Variants in TENM2 observed in about 807,000 individuals in gnomAD.
TENM2 encodes the protein teneurin-2.
In TENM2, 52 loss-of-function variants were observed where a neutral mutation model predicts 245.2. The observed-to-expected ratio is 0.21, with a 90% CI of 0.17 to 0.27. The LOEUF is 0.27. Among genes scored for constraint, TENM2 ranks in the 10% least tolerant of loss-of-function variants. The pLI, the probability that TENM2 is intolerant of heterozygous loss-of-function variation, is 1.00. For missense variants in TENM2, 3,046 were observed against 3,666.8 expected (o/e 0.83, Z 4.37); for synonymous variants, 1,363 against 1,438.9 (o/e 0.95, Z 1.19).
rs939726895 is a variant in TENM2 at position 168,198,765 on chromosome 5, C to T, written c.2901-88C>T. On this transcript the variant is annotated intron_variant, in intron 15 of 28. Transcript: ENST00000518659. ...ATGGTCTCCTCTGTGCTCTGCCCAT[C>T]GCATGGCCATCAGGGGAGGAGGAGA... 155 of 1,490,910 alleles carry T rather than the reference C, an allele frequency of 1.0e-4. 2 individuals carry two copies. In the East Asian group the frequency reaches 1.6e-3, roughly 16 times the overall value. The allele number at this position is 1,490,910 out of a possible 1,614,324, so 92.4% of individuals were successfully genotyped here.
chr5:167,428,475 G>T (rs1320727731), intron 2 of TENM2, among the ~76,000 whole-genome samples: 10 of 152,128 alleles, frequency 6.6e-5, no homozygotes, highest in Non-Finnish European at 1.5e-5. Flanking sequence ...CCTAAAACAT[G>T]CTAGTAAAAC....
chr5:167,454,005 A>T (rs534738619), intron 2 of TENM2, among the ~76,000 whole-genome samples: 1 of 152,324 alleles, frequency 6.6e-6, no homozygotes, highest in East Asian at 1.9e-4. Context: ...AAGAATACGC[A>T]TGTCCCCCAG....
At chr5:167,648,376 C>T (rs570712462) in intron 2 of TENM2, among the ~76,000 whole-genome samples, 1 of 152,242 alleles carries the variant, frequency 6.6e-6, no homozygotes, top group Non-Finnish European at 1.5e-5. Context: ...TGTTGATATG[C>T]AAAAGAAGGG....
chr5:167,003,092 T>C, the TENM2 span, among the ~76,000 whole-genome samples: 1 of 152,092 alleles, frequency 6.6e-6, no homozygotes, highest in African/African-American at 2.4e-5. Flanking sequence ...AAAAGAAAAA[T>C]ATCTGAAAAG....
At chr5:168,048,485 A>G (rs1788806588) in intron 6 of TENM2, among the ~76,000 whole-genome samples, 1 of 152,224 alleles carries the variant, frequency 6.6e-6, no homozygotes, top group Admixed American at 6.5e-5. Flanking sequence ...CACCTATTGC[A>G]TGCCAGGCTT....
chr5:167,485,457 A>C (rs1768000064), intron 2 of TENM2, among the ~76,000 whole-genome samples: 1 of 152,364 alleles, frequency 6.6e-6, no homozygotes, highest in African/African-American at 2.4e-5. Flanking sequence ...GTGTCTTTAA[A>C]AGCATAAAAG....
chr5:168,067,155 A>G (rs1166395084), intron 7 of TENM2, among the ~76,000 whole-genome samples: 1 of 152,192 alleles, frequency 6.6e-6, no homozygotes, highest in African/African-American at 2.4e-5. Flanking sequence ...TGCCTATTTC[A>G]TCACTCAGAC....
chr5:166,997,841 G>T, the TENM2 span, among the ~76,000 whole-genome samples: 1 of 152,102 alleles, frequency 6.6e-6, no homozygotes, highest in Non-Finnish European at 1.5e-5. Flanking sequence ...CAGCACTGAG[G>T]TAGTAAATAA....
intron 4 of TENM2, among the ~76,000 whole-genome samples, chr5:167,989,010 A>T (rs966577404): frequency 6.6e-6 from 1 of 152,162 alleles, no homozygotes; most frequent in African/African-American, 2.4e-5. Flanking sequence ...TTGCTAAAAC[A>T]TTTCTATTTT....
intron 2 of TENM2, among the ~76,000 whole-genome samples, chr5:167,630,922 C>T (rs1420429111): frequency 6.6e-6 from 1 of 152,218 alleles, no homozygotes; most frequent in African/African-American, 2.4e-5. Context: ...TAGGAAAGAG[C>T]TCCCCAGTAT....
intron 2 of TENM2, among the ~76,000 whole-genome samples, chr5:167,533,758 T>C (rs1302917044): frequency 6.6e-6 from 1 of 152,058 alleles, no homozygotes; most frequent in Non-Finnish European, 1.5e-5. Context: ...TCATGCCTGG[T>C]TGGCTGTTCT....
intron 2 of TENM2, among the ~76,000 whole-genome samples, chr5:167,463,839 C>T (rs1336948249): frequency 6.6e-6 from 1 of 152,150 alleles, no homozygotes; most frequent in Non-Finnish European, 1.5e-5. Context: ...TTTATTTAAA[C>T]TTTGCAAGAG....
chr5:167,948,340 A>G (rs1349949959), intron 3 of TENM2, among the ~76,000 whole-genome samples: 1 of 152,230 alleles, frequency 6.6e-6, no homozygotes, highest in Admixed American at 6.5e-5. Flanking sequence ...CTCAAAATCA[A>G]CTGGCAACAA....
At chr5:167,633,580 C>T (rs1265441436) in intron 2 of TENM2, among the ~76,000 whole-genome samples, 1 of 152,180 alleles carries the variant, frequency 6.6e-6, no homozygotes, top group Non-Finnish European at 1.5e-5. Flanking sequence ...ATCTAAAGCT[C>T]TCCAAGTGTT....
chr5:167,789,412 C>A (rs1169497824), intron 2 of TENM2, among the ~76,000 whole-genome samples: 2 of 152,186 alleles, frequency 1.3e-5, no homozygotes, highest in Non-Finnish European at 2.9e-5. Context: ...TCACTTCATT[C>A]CTCGACTTGA....
At chr5:167,316,418 C>A (rs1347609019) in intron 1 of TENM2, among the ~76,000 whole-genome samples, 1 of 152,184 alleles carries the variant, frequency 6.6e-6, no homozygotes, top group Non-Finnish European at 1.5e-5. Flanking sequence ...GGCCACAACA[C>A]TGTGTAAGGT....
chr5:167,355,817 G>A (rs1759270582), intron 1 of TENM2, among the ~76,000 whole-genome samples: 1 of 151,278 alleles, frequency 6.6e-6, no homozygotes, highest in South Asian at 2.1e-4. Flanking sequence ...CAGTTTTGCT[G>A]AGAAAAGTTG....
chr5:168,203,585 G>A, intron 17 of TENM2, 104 bp from the exon 20 acceptor site: 1 of 1,208,274 alleles, frequency 8.3e-7, no homozygotes, highest in Non-Finnish European at 1.1e-6. Context: ...AACAGAATCT[G>A]TATTACTGCG....
At chr5:167,095,649 A>G in the TENM2 span, among the ~76,000 whole-genome samples, 6 of 152,150 alleles carry the variant, frequency 3.9e-5, no homozygotes, top group African/African-American at 1.4e-4. Flanking sequence ...AATAAATAAA[A>G]CGCCTACAAT....
Sources: allele counts gnomAD v4.1 joint callset (sites outside exome capture counted in the v4.1 genomes callset), GRCh38; gene constraint gnomAD v4.1.1; transcripts MANE v1.5; gene names NCBI Gene and HGNC (gene_info 2026-07-23, HGNC 2026-07-21).